The following FBXL2 variants were observed in gnomAD, a reference collection of about 807,000 sequenced individuals.
The protein encoded by FBXL2 is F-box/LRR-repeat protein 2.
A neutral mutation model predicts 69.2 loss-of-function variants in FBXL2; 38 were observed. That is an observed-to-expected ratio of 0.55 (90% CI 0.42 to 0.72). The LOEUF (loss-of-function observed/expected upper bound fraction) is 0.72, where lower values mean the gene tolerates loss of function less well. Ranked by LOEUF, FBXL2 falls within the 30% of genes least tolerant of loss-of-function variation. FBXL2 has a pLI of 0.00. For missense variants in FBXL2, 354 were observed against 520.3 expected (o/e 0.68, Z 3.11); for synonymous variants, 192 against 201.3 (o/e 0.95, Z 0.39).
At chr3:33,396,957 A>T in intron 12 of FBXL2, 1 of 1,212,082 alleles carries the variant, frequency 8.3e-7, no homozygotes, top group Non-Finnish European at 1.2e-6. Flanking sequence ...ACACACGCCA[A>T]CCTAGCGTGG....
intron 2 of FBXL2, among the ~76,000 whole-genome samples, chr3:33,356,978 C>G (rs1426580924): frequency 6.6e-6 from 1 of 152,172 alleles, no homozygotes; most frequent in Non-Finnish European, 1.5e-5. Context: ...GGCTTGTGCT[C>G]TTGAACCAGA....
At chr3:33,316,730 A>C in intron 2 of FBXL2, among the ~76,000 whole-genome samples, 1 of 152,060 alleles carries the variant, frequency 6.6e-6, no homozygotes, top group Non-Finnish European at 1.5e-5. Flanking sequence ...GTTTGTGGGG[A>C]TACTTTATCA....
intron 2 of FBXL2, among the ~76,000 whole-genome samples, chr3:33,314,152 T>G (rs2037461650): frequency 6.6e-6 from 1 of 152,168 alleles, no homozygotes; most frequent in African/African-American, 2.4e-5. Context: ...TAAATAAAGA[T>G]TGAATATATT....
chr3:33,285,579 T>C (rs565717583), intron 1 of FBXL2, among the ~76,000 whole-genome samples: 58 of 152,242 alleles, frequency 3.8e-4, no homozygotes, highest in Non-Finnish European at 7.2e-4. Flanking sequence ...TGAATTTGAA[T>C]GTTGGCCTGC....
intron 12 of FBXL2, chr3:33,398,251 ATCTT>A (rs1209987877): frequency 8.5e-5 from 13 of 152,252 alleles, no homozygotes; most frequent in Non-Finnish European, 2.9e-5. Context: ...TAATGGAGTC[ATCTT>A]TCTATTTTTT....
intron 1 of FBXL2, among the ~76,000 whole-genome samples, chr3:33,293,686 A>C (rs1243543351): frequency 6.6e-6 from 1 of 152,042 alleles, no homozygotes; most frequent in Non-Finnish European, 1.5e-5. Context: ...ACTTTGATTC[A>C]CTAGTCTTTG....
intron 13 of FBXL2, among the ~76,000 whole-genome samples, chr3:33,381,225 T>G (rs1019275078): frequency 6.6e-6 from 1 of 152,240 alleles, no homozygotes; most frequent in Non-Finnish European, 1.5e-5. Flanking sequence ...ACTGTTAACT[T>G]CTTGATTTCT....
chr3:33,392,273 A>G (rs1438902909), downstream of FBXL2: 1 of 299,928 alleles, frequency 3.3e-6, no homozygotes, highest in East Asian at 6.2e-5. Flanking sequence ...ATTCTGTTTT[A>G]TTCAATAGAT....
intron 2 of FBXL2, among the ~76,000 whole-genome samples, chr3:33,298,635 G>T (rs1454947219): frequency 6.8e-6 from 1 of 147,796 alleles, no homozygotes; most frequent in East Asian, 2.0e-4. Flanking sequence ...GGCAGAGGTT[G>T]CAGTGAGCCT....
Position 33,378,026 on chromosome 3 carries a change from C to CA in FBXL2, c.850-76dup, listed in dbSNP as rs2042756679. On this transcript the variant is annotated intron_variant, in intron 11 of 14. Coordinates refer to ENST00000484457, the MANE Select transcript of FBXL2 (RefSeq NM_012157.5). ...AGAACAAGGACACTGGGCCAATACTCAGAGGGATAGGGCAAGCCACCATTG... is the reference window on the plus strand; with the variant it reads ...AGAACAAGGACACTGGGCCAATACTCAAGAGGGATAGGGCAAGCCACCATTG... The CA allele has an allele frequency of 4.3e-6, 6 of 1,400,580 alleles. No homozygotes were observed. In the Admixed American group the frequency reaches 8.4e-5, roughly 20 times the overall value. The allele number at this position is 1,400,580 out of a possible 1,614,324, so 86.8% of individuals were successfully genotyped here. A position where few individuals can be genotyped will look rare whatever the true frequency, so the allele number is the denominator to read the frequency against.
At chr3:33,305,767 C>A (rs2036661586) in intron 2 of FBXL2, among the ~76,000 whole-genome samples, 1 of 151,560 alleles carries the variant, frequency 6.6e-6, no homozygotes, top group Non-Finnish European at 1.5e-5. Context: ...TTTCTTGAGT[C>A]ACTTTTACTA....
At chr3:33,401,538 G>A (rs78466504) in intron 12 of FBXL2, among the ~76,000 whole-genome samples, 1 of 152,296 alleles carries the variant, frequency 6.6e-6, no homozygotes, top group East Asian at 1.9e-4. Context: ...CACTATCCTT[G>A]TGCTTCTAAG....
chr3:33,314,141 A>G (rs2037459902), intron 2 of FBXL2, among the ~76,000 whole-genome samples: 1 of 151,960 alleles, frequency 6.6e-6, no homozygotes. Context: ...TATTTAATTG[A>G]TAAATAAAGA....
At chr3:33,344,173 A>C (rs1458581544) in intron 2 of FBXL2, among the ~76,000 whole-genome samples, 2 of 152,108 alleles carry the variant, frequency 1.3e-5, no homozygotes, top group Non-Finnish European at 2.9e-5. Context: ...TGTGACTTTT[A>C]TGGAGAAAAT....
rs534073547 is a variant in FBXL2, at chr3:33,280,867, GAAAT to G, written c.3+3359_3+3362del. 1.3e-3 allele frequency among the ~76,000 whole-genome samples: 204 copies of G among 151,944 alleles called. 2 individuals are homozygous for G. Among genetic ancestry groups the G allele is most frequent in the African/African-American group, 4.5e-3 (186 of 41,452 alleles). On this transcript the variant is annotated intron_variant, in intron 1 of 14. Transcript: ENST00000484457. ...TTGTGTAAAGCAGATTTAGTTTTTG[GAAAT>G]AAATAATATTTTATCATATAATTTT... is the stretch of plus-strand genomic sequence containing the variant.
chr3:33,375,057 AC>A (rs1210512249), intron 9 of FBXL2, among the ~76,000 whole-genome samples: 1 of 152,152 alleles, frequency 6.6e-6, no homozygotes, highest in African/African-American at 2.4e-5. Flanking sequence ...TAAAATTTTT[AC>A]TTTATTTTTT....
rs150587175 is a variant in FBXL2 at position 33,326,341 on chromosome 3, A to G, written c.65+28616A>G. ...CGGTGAAACCCCGTCTCAACTAAAA[A>G]TACAAAAAAAAATTAGCCAGGCGTG... On this transcript the variant is annotated intron_variant, in intron 2 of 14. Transcript: ENST00000484457. Among the ~76,000 whole-genome samples the G allele has an allele frequency of 4.7e-3, 719 of 152,200 alleles. 7 individuals are homozygous for G. Among genetic ancestry groups the G allele is most frequent in the African/African-American group, 0.016 (672 of 41,518 alleles).
At chr3:33,336,636 G>A (rs563290042) in intron 2 of FBXL2, among the ~76,000 whole-genome samples, 1 of 152,338 alleles carries the variant, frequency 6.6e-6, no homozygotes, top group East Asian at 1.9e-4. Flanking sequence ...ACTGAGCGCA[G>A]TGACTCATGC....
chr3:33,385,316 T>G (rs1394673100), intron 14 of FBXL2, among the ~76,000 whole-genome samples, 185 bp from the exon 15 acceptor site: 1 of 152,146 alleles, frequency 6.6e-6, no homozygotes, highest in African/African-American at 2.4e-5. Context: ...CACTTATCCT[T>G]AGAAGGTACT....
Sources: gnomAD v4.1 joint callset for allele counts (sites outside exome capture counted in the v4.1 genomes callset) on GRCh38, gnomAD v4.1.1 for gene constraint, MANE v1.5 for transcripts, NCBI Gene and HGNC (gene_info 2026-07-23, HGNC 2026-07-21) for gene names.